HS1BP3: variants seen among roughly 807,000 people sequenced by gnomAD.
The protein encoded by HS1BP3 is HCLS1-binding protein 3.
In HS1BP3, 32 loss-of-function variants were observed where a neutral mutation model predicts 33.5. The ratio of observed to expected loss-of-function variants is 0.95; its 90% CI spans 0.72 to 1.28. The LOEUF is 1.28. HS1BP3 is among the 50% of genes most tolerant of loss of function. The pLI is 0.00. For missense variants in HS1BP3, 486 were observed against 502.3 expected (o/e 0.97, Z 0.31); for synonymous variants, 187 against 209.2 (o/e 0.89, Z 0.92).
chr2:20,625,006 C>G, intron 4 of HS1BP3, 114 bp from the exon 5 acceptor site: 1 of 1,245,328 alleles, frequency 8.0e-7, no homozygotes, highest in Non-Finnish European at 1.2e-6. Flanking sequence ...TGCCATGGGC[C>G]AGAAAAGACC....
At chr2:20,647,249 G>A (rs1159727327) in intron 1 of HS1BP3, among the ~76,000 whole-genome samples, 1 of 152,096 alleles carries the variant, frequency 6.6e-6, no homozygotes, top group Non-Finnish European at 1.5e-5. Flanking sequence ...CCTTTTCCAG[G>A]GTCCCATTCC....
intron 5 of HS1BP3, among the ~76,000 whole-genome samples, chr2:20,578,826 G>A (rs1295483770): frequency 6.6e-6 from 1 of 152,210 alleles, no homozygotes; most frequent in Non-Finnish European, 1.5e-5. Context: ...TGGGTGTGTA[G>A]CTGTGACTCT....
chr2:20,642,860 C>A (rs1315511087), intron 2 of HS1BP3, among the ~76,000 whole-genome samples: 1 of 152,210 alleles, frequency 6.6e-6, no homozygotes, highest in East Asian at 1.9e-4. Context: ...CACTGCTGAG[C>A]ACGGGGCAGA....
intron 5 of HS1BP3, among the ~76,000 whole-genome samples, chr2:20,585,887 C>G (rs943388964): frequency 6.6e-6 from 1 of 152,248 alleles, no homozygotes; most frequent in Admixed American, 6.5e-5. Context: ...CACATGTTGT[C>G]TGATCCTGAC....
At chr2:20,649,501 G>A (rs561730145) in intron 1 of HS1BP3, among the ~76,000 whole-genome samples, 59 of 152,298 alleles carry the variant, frequency 3.9e-4, no homozygotes, top group African/African-American at 1.2e-3. Context: ...CTGACATGTC[G>A]TAGATTTGCC....
intron 4 of HS1BP3, chr2:20,638,178 G>A (rs924796880): frequency 1.1e-4 from 65 of 587,856 alleles, no homozygotes; most frequent in African/African-American, 9.1e-4. Context: ...GCCCCAGTGC[G>A]GAGCCACAAG....
chr2:20,648,429 C>G (rs532261751), intron 1 of HS1BP3, among the ~76,000 whole-genome samples: 2 of 152,200 alleles, frequency 1.3e-5, no homozygotes, highest in African/African-American at 4.8e-5. Context: ...ATCCTCATTT[C>G]TCCTCTGGTC....
At chr2:20,616,796 C>T (rs906887504), downstream of HS1BP3, among the ~76,000 whole-genome samples, 2 of 152,118 alleles carry the variant, frequency 1.3e-5, no homozygotes, top group African/African-American at 4.8e-5. Context: ...CTGCCATCAG[C>T]CTAGGCACAG....
rs1572343731 is a variant in HS1BP3, at chr2:20,624,822, C to G, written c.694G>C (p.Asp232His). Reference protein sequence around the residue: ...AKPSPRLTIFDEEVDPDEGLF... With the variant: ...AKPSPRLTIFHEEVDPDEGLF... ...CCCTCATCAGGGTCCACCTCCTCGTCAAAGATGGTGAGCCGGGGCGAGGGC... is the reference window on the plus strand; with the variant it reads ...CCCTCATCAGGGTCCACCTCCTCGTGAAAGATGGTGAGCCGGGGCGAGGGC... The change falls in exon 5 of 7, where the codon GAC becomes CAC. Residue 232 changes from aspartate (D) to histidine (H), a missense_variant. Physicochemically the swap from Asp to His is moderately conservative, Grantham distance 81 (BLOSUM62 -1). Coordinates refer to ENST00000304031, the MANE Select transcript of HS1BP3 (RefSeq NM_022460.4). 1.2e-6 allele frequency: 2 copies of G among 1,613,864 alleles called. No individual in the cohort carries two copies. The highest frequency in any genetic ancestry group is 3.3e-4 in the Middle Eastern group (2 of 6,058).
At chr2:20,587,442 C>T (rs113978980) in intron 5 of HS1BP3, among the ~76,000 whole-genome samples, 2 of 152,236 alleles carry the variant, frequency 1.3e-5, no homozygotes, top group African/African-American at 4.8e-5. Flanking sequence ...GGTAGGGATG[C>T]CACAAGCCCA....
At chr2:20,556,548 T>G (rs1692846763), downstream of HS1BP3, among the ~76,000 whole-genome samples, 1 of 152,236 alleles carries the variant, frequency 6.6e-6, no homozygotes, top group Non-Finnish European at 1.5e-5. Flanking sequence ...TTCTGGGCTT[T>G]GTCTATAGGT....
intron 3 of HS1BP3, among the ~76,000 whole-genome samples, chr2:20,594,857 C>T (rs1693908088): frequency 1.3e-5 from 2 of 152,094 alleles, no homozygotes; most frequent in African/African-American, 4.8e-5. Flanking sequence ...ATGGAAGGGG[C>T]AAGGGGGTTT....
intron 5 of HS1BP3, among the ~76,000 whole-genome samples, chr2:20,562,998 C>T (rs1200035538): frequency 2.0e-5 from 3 of 152,208 alleles, no homozygotes; most frequent in East Asian, 1.9e-4. Context: ...CTTCCCACTG[C>T]GATTTCCAAA....
chr2:20,586,789 A>G (rs1693693830), intron 5 of HS1BP3: 1 of 152,362 alleles, frequency 6.6e-6, no homozygotes, highest in East Asian at 1.9e-4. Flanking sequence ...AGGCAAAGAA[A>G]ACAGATAATC....
At chr2:20,582,027 T>C (rs909768595) in intron 5 of HS1BP3, among the ~76,000 whole-genome samples, 1 of 152,076 alleles carries the variant, frequency 6.6e-6, no homozygotes. Context: ...CACAAAATAG[T>C]CTGTTTTTAT....
chr2:20,608,693 TCTA>T (rs1017102766), intron 2 of HS1BP3, among the ~76,000 whole-genome samples: 8 of 151,994 alleles, frequency 5.3e-5, no homozygotes, highest in Middle Eastern at 3.4e-3. Context: ...TGGCTCATCC[TCTA>T]CTTTCTCCAG....
At chr2:20,559,886 C>A (rs72796459), downstream of HS1BP3, among the ~76,000 whole-genome samples, 1 of 152,176 alleles carries the variant, frequency 6.6e-6, no homozygotes, top group Admixed American at 6.5e-5. Context: ...GCACCACTTG[C>A]GATTTTTATG....
In HS1BP3 at chr2:20,638,597, A is replaced by G; in HGVS notation, c.462T>C (p.Asp154=). 6.2e-7 allele frequency: 1 copy of G among 1,614,214 alleles called. No individual in the cohort carries two copies. Among genetic ancestry groups the G allele is most frequent in the Admixed American group, 1.7e-5 (1 of 60,028 alleles). The change falls in exon 4 of 7, where the codon GAT becomes GAC. Residue 154 remains aspartate (D), a synonymous_variant. Transcript: ENST00000304031. ...CATTCCCTGTCTGACTGTCTGTGCCATCCAGGACAGAGGAATCTCTGCTGG... is the reference window on the plus strand; with the variant it reads ...CATTCCCTGTCTGACTGTCTGTGCCGTCCAGGACAGAGGAATCTCTGCTGG... The part of the protein sequence containing the change: ...GLTSRDSSVL[D]GTDSQTGNDE...
At chr2:20,608,561 C>T (rs1480055093) in intron 2 of HS1BP3, among the ~76,000 whole-genome samples, 2 of 112,484 alleles carry the variant, frequency 1.8e-5, no homozygotes, top group Non-Finnish European at 3.4e-5. Context: ...GCAACAAGAG[C>T]GAAACTCCGT....
Sources: allele counts gnomAD v4.1 joint callset (sites outside exome capture counted in the v4.1 genomes callset), GRCh38; gene constraint gnomAD v4.1.1; transcripts MANE v1.5; gene names NCBI Gene and HGNC (gene_info 2026-07-23, HGNC 2026-07-21).